The following EXO5 variants were observed in gnomAD, a reference collection of about 807,000 sequenced individuals.
The protein encoded by EXO5 is exonuclease V.
Under a neutral mutation model 17.8 loss-of-function variants are expected in EXO5, and 11 were observed. The ratio of observed to expected loss-of-function variants is 0.62; its 90% CI spans 0.39 to 1.02. EXO5 has a LOEUF of 1.02. Ranked by LOEUF, EXO5 falls within the 50% of genes least tolerant of loss-of-function variation. EXO5 has a pLI of 0.00. For synonymous variants in EXO5, 147 were observed against 166.5 expected, an observed-to-expected ratio of 0.88 and a Z score of 0.90; for missense variants, 364 against 434.8, an observed-to-expected ratio of 0.84 and a Z score of 1.45.
chr1:40,514,324 T>A, intron 3 of EXO5, 191 bp from the exon 4 acceptor site: 1 of 435,184 alleles, frequency 2.3e-6, no homozygotes, highest in South Asian at 3.9e-5. Flanking sequence ...TGGATATATA[T>A]AAGGAGCCCT....
chr1:40,514,787 A>T lies in EXO5; in HGVS notation c.243A>T (p.Leu81Phe). ...SPMERFHLKY[L>F]YVTDLATQNW... ...TGGAGAGATTCCACCTTAAATATTT[A>T]TATGTCACTGACCTGGCTACTCAGA... The change falls in exon 4 of 4, where the codon TTA (leucine) becomes TTT (phenylalanine). Residue 81 changes from leucine to phenylalanine, a missense_variant. Leu to Phe is a conservative substitution (Grantham distance 22). Coordinates refer to ENST00000415550, the MANE Select transcript of EXO5 (RefSeq NM_001346953.2). 1 of 1,614,182 alleles carries T rather than the reference A, an allele frequency of 6.2e-7. No individual in the cohort carries two copies. The highest frequency in any genetic ancestry group is 8.5e-7 in the Non-Finnish European group (1 of 1,180,032).
At position 40,515,729 on chromosome 1, in the gene EXO5, G is replaced by A; in HGVS notation, c.*63G>A. The A allele has an allele frequency of 6.6e-7, 1 of 1,520,686 alleles. No individual in the cohort carries two copies. The highest frequency in any genetic ancestry group is 8.9e-7 in the Non-Finnish European group (1 of 1,129,710). The allele number at this position is 1,520,686 out of a possible 1,614,324, so 94.2% of individuals were successfully genotyped here. On this transcript the variant is annotated 3_prime_UTR_variant, in exon 4 of 4. Transcript: ENST00000415550. ...CTCCTGTTGTACCTAAGCAAAAGAG[G>A]ACCAGTCTCTGAGCTTGGCTTTTAT...
Position 40,515,099 on chromosome 1 carries a change from C to T in EXO5, c.555C>T (p.His185=), listed in dbSNP as rs778669992. The T allele has an allele frequency of 5.0e-6, 8 of 1,614,006 alleles. No homozygotes were observed. The Admixed American group carries it at 5.0e-5, about 10-fold the overall frequency. ...VLLVGVIDEL[H]YTAKGELELA... ...TTGTTGGAGTGATTGATGAGCTGCA[C>T]TATACAGCCAAGGGGGAACTGGAGC... Residue 185 remains histidine, a synonymous_variant, in exon 4 of 4, where the codon CAC becomes CAT. Transcript: ENST00000415550.
At chr1:40,509,315 G>T (rs886244486) in intron 1 of EXO5, 136 bp from the exon 2 acceptor site, 1 of 152,310 alleles carries the variant, frequency 6.6e-6, no homozygotes, top group African/African-American at 2.4e-5. Context: ...GCAGAAGGCA[G>T]TAACCCATCT....
intron 3 of EXO5, among the ~76,000 whole-genome samples, chr1:40,511,884 C>CTT (rs57507753): frequency 3.4e-5 from 5 of 145,622 alleles, no homozygotes; most frequent in South Asian, 2.1e-4. Context: ...TTTCTTTTTT[C>CTT]TTTTTTTTTT....
At chr1:40,511,974 G>A (rs770395595) in intron 3 of EXO5, among the ~76,000 whole-genome samples, 1 of 151,956 alleles carries the variant, frequency 6.6e-6, no homozygotes, top group African/African-American at 2.4e-5. Flanking sequence ...CGCCTCCTGG[G>A]TTCACGCCAT....
Position 40,515,384 on chromosome 1 carries a change from ACT to A in EXO5, c.841_842del (p.Leu281ValfsTer7). ...LMELVFLSLT[L>X]SDLPVIDILK... is the part of the protein sequence containing the mutation. ...TGGAACTTGTCTTCTTGTCTCTAAC[ACT>A]GTCAGACCTCCCAGTTATTGATATC... On this transcript the variant is annotated frameshift_variant, in exon 4 of 4. Coordinates refer to ENST00000415550, the MANE Select transcript of EXO5 (RefSeq NM_001346953.2). LOFTEE classifies it high-confidence loss of function. 1 of 1,613,966 alleles carries A rather than the reference ACT, an allele frequency of 6.2e-7. No individual in the cohort carries two copies. Among genetic ancestry groups the A allele is most frequent in the Non-Finnish European group, 8.5e-7 (1 of 1,179,988 alleles).
Position 40,515,677 on chromosome 1 carries a change from T to C in EXO5, c.*11T>C. On this transcript the variant is annotated 3_prime_UTR_variant, in exon 4 of 4. Transcript: ENST00000415550. ...AAAAAAGCCAAATGAATAGAAGGTA[T>C]GCTTTCAAGAATGTTGATCCTTCCT... is the stretch of plus-strand genomic sequence containing the variant. 6.2e-7 allele frequency: 1 copy of C among 1,602,742 alleles called. No homozygotes were observed. Among genetic ancestry groups the C allele is most frequent in the South Asian group, 1.1e-5 (1 of 90,224 alleles).
chr1:40,508,972 C>G lies in EXO5; in HGVS notation c.-264+64C>G, dbSNP rs1026410654. The G allele has an allele frequency of 2.0e-5, 3 of 152,212 alleles. No homozygotes were observed. The highest frequency in any genetic ancestry group is 7.2e-5 in the African/African-American group (3 of 41,436). 9.4% of individuals were successfully genotyped at this position (152,212 alleles called of 1,614,324 possible). On this transcript the variant is annotated intron_variant, in intron 1 of 3. Coordinates refer to ENST00000415550, the MANE Select transcript of EXO5 (RefSeq NM_001346953.2). This position sits in a 1 kb window ranked among gnomAD's most constrained non-coding sequence, Gnocchi z 4.2. ...TTCGGAGCTTAGGGTTCTGTCCCTG[C>G]GATCGCCGCGTCTCCCTCCCTTGGT... is the stretch of plus-strand genomic sequence containing the variant.
intron 3 of EXO5, 80 bp from the exon 4 acceptor site, chr1:40,514,435 G>A: frequency 8.8e-7 from 1 of 1,135,392 alleles, no homozygotes; most frequent in Non-Finnish European, 1.2e-6. Flanking sequence ...TCATAATTTT[G>A]TTTTTATCTC....
chr1:40,513,583 C>CTTTTTTTTTTTT (rs576118331), intron 3 of EXO5, among the ~76,000 whole-genome samples: 1 of 142,412 alleles, frequency 7.0e-6, no homozygotes. Flanking sequence ...CTCAAATCTC[C>CTTTTTTTTTTTT]TTTTTTTTTT....
rs762535848 is a variant in EXO5, at chr1:40,515,574, C to T, written c.1030C>T (p.Arg344Trp). Residue 344 changes from arginine (R) to tryptophan (W), a missense_variant, in exon 4 of 4, where the codon CGG (arginine) becomes TGG (tryptophan). Coordinates refer to ENST00000415550, the MANE Select transcript of EXO5 (RefSeq NM_001346953.2). The stretch of plus-strand genomic sequence containing the variant: ...TGACGTGGAGGAGGCTTGGAAGTGC[C>T]GGACGTGTACCTATGCAGACATTTG... ...GVDVEEAWKCRTCTYADICEW... is the reference protein window; with the variant it reads ...GVDVEEAWKCWTCTYADICEW... 2.5e-6 allele frequency: 4 copies of T among 1,608,022 alleles called. No homozygotes were observed. Among genetic ancestry groups the T allele is most frequent in the African/African-American group, 2.7e-5 (2 of 74,160 alleles).
intron 3 of EXO5, among the ~76,000 whole-genome samples, chr1:40,511,700 A>G (rs1645780211): frequency 6.6e-6 from 1 of 152,166 alleles, no homozygotes; most frequent in Admixed American, 6.5e-5. Context: ...GTTCATAGCT[A>G]TCTCTATCAG....
intron 3 of EXO5, among the ~76,000 whole-genome samples, chr1:40,512,262 G>C (rs1468820584): frequency 6.6e-6 from 1 of 152,188 alleles, no homozygotes; most frequent in East Asian, 1.9e-4. Context: ...TTAAAGAAAA[G>C]CTATCTAGGA....
chr1:40,515,914 T>A lies in EXO5; in HGVS notation c.*248T>A, dbSNP rs1216465960. On this transcript the variant is annotated 3_prime_UTR_variant, in exon 4 of 4. Coordinates refer to ENST00000415550, the MANE Select transcript of EXO5 (RefSeq NM_001346953.2). ...AGACAGATGCTCATCATGGCTGGAA[T>A]GAAGGTATCCTTCAGTAAACTTTGC... 2 of 415,352 alleles carry A rather than the reference T, an allele frequency of 4.8e-6. No individual in the cohort carries two copies. The highest frequency in any genetic ancestry group is 8.3e-5 in the East Asian group (2 of 24,016). The allele number at this position is 415,352 out of a possible 1,614,324, so 25.7% of individuals were successfully genotyped here.
rs749321929 is a variant in EXO5, at chr1:40,515,216, C to A, written c.672C>A (p.Ile224=). ...DCFQVSLYKY[I]FDAMVQGKVT... is the part of the protein sequence containing the mutation. ...TTCAAGTCAGCCTATACAAATATATCTTTGATGCCATGGTACAAGGAAAAG... is the reference window on the plus strand; with the variant it reads ...TTCAAGTCAGCCTATACAAATATATATTTGATGCCATGGTACAAGGAAAAG... The change falls in exon 4 of 4, where the codon ATC becomes ATA. Residue 224 remains isoleucine (I), a synonymous_variant. Coordinates refer to ENST00000415550, the MANE Select transcript of EXO5 (RefSeq NM_001346953.2). 3.7e-6 allele frequency: 6 copies of A among 1,613,908 alleles called. No homozygotes were observed. Among genetic ancestry groups the A allele is most frequent in the Admixed American group, 1.7e-5 (1 of 59,988 alleles).
At chr1:40,514,392 T>C in intron 3 of EXO5, 123 bp from the exon 4 acceptor site, 1 of 769,420 alleles carries the variant, frequency 1.3e-6, no homozygotes, top group Non-Finnish European at 2.0e-6. Context: ...ATAAATAAAC[T>C]GGCTTTTTAA....
In EXO5 at chr1:40,509,595, G is replaced by A. The variant is rs762040929; in HGVS notation, c.-119G>A. On this transcript the variant is annotated 5_prime_UTR_variant, in exon 2 of 4. Transcript: ENST00000415550. ...AGTCTGTGCAGTGTCAATGTGAGAG[G>A]AGAAAACACCCAACGTGAGGGAATG... 1 of 152,222 alleles carries A rather than the reference G, an allele frequency of 6.6e-6. No homozygotes were observed. Among genetic ancestry groups the A allele is most frequent in the Non-Finnish European group, 1.5e-5 (1 of 68,070 alleles). The allele number at this position is 152,222 out of a possible 1,614,324, so 9.4% of individuals were successfully genotyped here.
At chr1:40,512,965 C>T (rs1332146764) in intron 3 of EXO5, among the ~76,000 whole-genome samples, 2 of 152,184 alleles carry the variant, frequency 1.3e-5, no homozygotes, top group Admixed American at 1.3e-4. Flanking sequence ...GTACAGTACC[C>T]ATCCCCATCC....
Sources: gnomAD v4.1 joint callset for allele counts (sites outside exome capture counted in the v4.1 genomes callset) on GRCh38, gnomAD v4.1.1 for gene constraint, Gnocchi (gnomAD v3.1) non-coding constraint, MANE v1.5 for transcripts, NCBI Gene and HGNC (gene_info 2026-07-23, HGNC 2026-07-21) for gene names.